Variants in NDUFA5 observed in about 807,000 individuals in gnomAD.
The protein encoded by NDUFA5 is NADH dehydrogenase [ubiquinone] 1 alpha subcomplex subunit 5.
Under a neutral mutation model 19.8 loss-of-function variants are expected in NDUFA5, and 11 were observed. The ratio of observed to expected loss-of-function variants is 0.56; its 90% CI spans 0.35 to 0.92. The LOEUF is 0.92. NDUFA5 is among the 40% of genes least tolerant of loss of function. The pLI, the probability that NDUFA5 is intolerant of heterozygous loss-of-function variation, is 0.01. For synonymous variants in NDUFA5, 47 were observed against 46.8 expected, an observed-to-expected ratio of 1.00 and a Z score of -0.01; for missense variants, 109 against 134.2, an observed-to-expected ratio of 0.81 and a Z score of 0.93.
the NDUFA5 span, among the ~76,000 whole-genome samples, chr7:123,571,463 T>G: frequency 1.3e-5 from 2 of 152,220 alleles, no homozygotes; most frequent in South Asian, 4.1e-4. Flanking sequence ...TGAAATATCA[T>G]AATAATATGT....
the NDUFA5 span, among the ~76,000 whole-genome samples, chr7:123,576,362 T>C: frequency 6.6e-6 from 1 of 152,116 alleles, no homozygotes; most frequent in East Asian, 1.9e-4. Context: ...TTTTAATTAA[T>C]GGTAAAATAT....
chr7:123,592,305 A>G, the NDUFA5 span, among the ~76,000 whole-genome samples: 3 of 151,934 alleles, frequency 2.0e-5, no homozygotes, highest in Non-Finnish European at 4.4e-5. Context: ...CTCCGATCTT[A>G]GTTATTTCTT....
the NDUFA5 span, among the ~76,000 whole-genome samples, chr7:123,575,821 T>C: frequency 2.2e-4 from 33 of 151,118 alleles, no homozygotes; most frequent in Non-Finnish European, 4.1e-4. Flanking sequence ...GTTTTCTTTT[T>C]TTTTTTTTTT....
Position 123,550,604 on chromosome 7 carries a change from A to T in NDUFA5, c.67-18T>A, listed in dbSNP as rs1234879347. ...CTTAGCCTCTGAAAAGACAAACCAT[A>T]CAAATTTCCATAGGTTAAAATATTA... On this transcript the variant is annotated intron_variant, in intron 2 of 4. Transcript: ENST00000355749. 1 of 1,450,350 alleles carries T rather than the reference A, an allele frequency of 6.9e-7. No homozygotes were observed. Among genetic ancestry groups the T allele is most frequent in the South Asian group, 1.2e-5 (1 of 84,432 alleles). The allele number at this position is 1,450,350 out of a possible 1,614,324, so 89.8% of individuals were successfully genotyped here. A position where few individuals can be genotyped will look rare whatever the true frequency, so the allele number is the denominator to read the frequency against.
At chr7:123,548,096 ATCTGAAAAAAAAAGTTACTTTTATT>A (rs371916315) in intron 3 of NDUFA5, among the ~76,000 whole-genome samples, 16 of 152,154 alleles carry the variant, frequency 1.1e-4, no homozygotes, top group African/African-American at 3.9e-4. Flanking sequence ...CCTAGTAATA[ATCTGAAAAAAAAAGTTACTTTTATT>A]TCCACCTTAG....
the NDUFA5 span, among the ~76,000 whole-genome samples, chr7:123,570,029 CTTT>C: frequency 0.015 from 1,365 of 88,226 alleles, 17 homozygotes; most frequent in African/African-American, 0.055. Context: ...ACTGCCATAG[CTTT>C]TTTTTTTTTT....
chr7:123,575,489 C>T, the NDUFA5 span, among the ~76,000 whole-genome samples: 1 of 152,034 alleles, frequency 6.6e-6, no homozygotes, highest in Admixed American at 6.6e-5. Flanking sequence ...AATTGTATCA[C>T]TTCTGTATTG....
the NDUFA5 span, among the ~76,000 whole-genome samples, chr7:123,585,657 GT>G: frequency 6.6e-6 from 1 of 151,688 alleles, no homozygotes; most frequent in African/African-American, 2.4e-5. Context: ...GTGTGTGTGT[GT>G]GTGTGGTGAG....
the NDUFA5 span, among the ~76,000 whole-genome samples, chr7:123,568,467 G>T: frequency 6.6e-6 from 1 of 151,444 alleles, no homozygotes; most frequent in Admixed American, 6.6e-5. Context: ...GTTGCAGTGA[G>T]CAGAGATCGT....
In NDUFA5 at chr7:123,537,181, A is replaced by C. The variant is rs1797778103; in HGVS notation, c.*4938T>G. On this transcript the variant is annotated 3_prime_UTR_variant, in exon 5 of 5. Transcript: ENST00000355749. ...ACTTCGTATTTCTCATGAAACATCTACCTTTATTCATCTCAGCATTTATTT... is the reference window on the plus strand; with the variant it reads ...ACTTCGTATTTCTCATGAAACATCTCCCTTTATTCATCTCAGCATTTATTT... 1 of 152,128 alleles carries C rather than the reference A, an allele frequency of 6.6e-6. No homozygotes were observed. Among genetic ancestry groups the C allele is most frequent in the Non-Finnish European group, 1.5e-5 (1 of 67,988 alleles). 9.4% of individuals were successfully genotyped at this position (152,128 alleles called of 1,614,324 possible).
At chr7:123,552,516 TAGG>T (rs1798384959) in intron 2 of NDUFA5, among the ~76,000 whole-genome samples, 1 of 151,514 alleles carries the variant, frequency 6.6e-6, no homozygotes, top group African/African-American at 2.4e-5. Flanking sequence ...GGGATAGCAT[TAGG>T]AGAAATACCT....
At chr7:123,550,387 T>A (rs1446927831) in intron 3 of NDUFA5, 83 bp downstream of exon 3, 1 of 767,916 alleles carries the variant, frequency 1.3e-6, no homozygotes, top group Non-Finnish European at 2.3e-6. Flanking sequence ...AGAAGAAAAG[T>A]GTGTCGAATA....
At chr7:123,595,030 G>A in the NDUFA5 span, among the ~76,000 whole-genome samples, 3 of 152,224 alleles carry the variant, frequency 2.0e-5, no homozygotes, top group East Asian at 1.9e-4. Context: ...CCCTCCACCC[G>A]CCAAGCTCCA....
chr7:123,576,339 TTTG>T, the NDUFA5 span, among the ~76,000 whole-genome samples: 88 of 152,164 alleles, frequency 5.8e-4, 1 homozygote, highest in African/African-American at 1.9e-3. Flanking sequence ...AGTTGTGTTT[TTTG>T]TTGTTGTTGT....
At chr7:123,558,015 T>G, upstream of NDUFA5, 1 of 714,016 alleles carries the variant, frequency 1.4e-6, no homozygotes, top group Middle Eastern at 3.8e-4. Flanking sequence ...AGAAGACGAT[T>G]GGGGAAAGAA....
the NDUFA5 span, among the ~76,000 whole-genome samples, chr7:123,601,342 TG>T: frequency 1.3e-5 from 2 of 152,194 alleles, no homozygotes; most frequent in African/African-American, 4.8e-5. Context: ...TGTCACTGAC[TG>T]CCCTATCTCC....
chr7:123,590,481 CT>C, the NDUFA5 span, among the ~76,000 whole-genome samples: 14 of 152,142 alleles, frequency 9.2e-5, no homozygotes. Flanking sequence ...TTTAATCCAT[CT>C]TGAGTTAATG....
intron 2 of NDUFA5, among the ~76,000 whole-genome samples, chr7:123,552,927 C>A (rs143253122): frequency 2.6e-5 from 4 of 152,314 alleles, no homozygotes; most frequent in African/African-American, 9.6e-5. Flanking sequence ...GCATTCAGCT[C>A]CTCTTTTGCT....
chr7:123,572,994 A>G, the NDUFA5 span, among the ~76,000 whole-genome samples: 1 of 152,086 alleles, frequency 6.6e-6, no homozygotes, highest in African/African-American at 2.4e-5. Context: ...TCAAATTTTA[A>G]CAAACGATCA....
Sources: gnomAD v4.1 joint callset for allele counts (sites outside exome capture counted in the v4.1 genomes callset) on GRCh38, gnomAD v4.1.1 for gene constraint, MANE v1.5 for transcripts, NCBI Gene and HGNC (gene_info 2026-07-23, HGNC 2026-07-21) for gene names.